FBXL17: variants seen among roughly 807,000 people sequenced by gnomAD.
FBXL17 encodes F-box/LRR-repeat protein 17.
In FBXL17, 22 loss-of-function variants were observed where a neutral mutation model predicts 66.2. The ratio of observed to expected loss-of-function variants is 0.33; its 90% confidence interval spans 0.24 to 0.47. The LOEUF is 0.47. FBXL17 is among the 20% of genes least tolerant of loss of function. The pLI, the probability that FBXL17 is intolerant of heterozygous loss-of-function variation, is 1.00. For synonymous variants in FBXL17, 474 were observed against 400.5 expected, an observed-to-expected ratio of 1.18 and a Z score of -2.19; for missense variants, 878 against 948.2, an observed-to-expected ratio of 0.93 and a Z score of 0.97.
chr5:108,313,760 T>C (rs1455609673), intron 4 of FBXL17, among the ~76,000 whole-genome samples: 1 of 151,960 alleles, frequency 6.6e-6, no homozygotes, highest in Non-Finnish European at 1.5e-5. Flanking sequence ...AGAAGGAAAA[T>C]ATCTGTACGT....
chr5:108,348,421 A>T lies in FBXL17; in HGVS notation c.1484T>A (p.Ile495Lys). 6.2e-7 allele frequency: 1 copy of T among 1,613,548 alleles called. No individual in the cohort carries two copies. Among genetic ancestry groups the T allele is most frequent in the Non-Finnish European group, 8.5e-7 (1 of 1,179,596 alleles). The stretch of plus-strand genomic sequence containing the variant: ...TACTAATTTGTTTTCCTGCATGTAT[A>T]TCCTTTGTAATTTCAGACAGCCCTT... ...IAKGCLKLQRIYMQENKLVTD... is the reference protein window; with the variant it reads ...IAKGCLKLQRKYMQENKLVTD... Residue 495 changes from isoleucine (I) to lysine (K), a missense_variant, in exon 4 of 9, where the codon ATA becomes AAA. Around this residue, in one of 4 missense-constraint regions of FBXL17, gnomAD observed 236 missense variants for 389.1 expected, o/e 0.61. Transcript: ENST00000542267.
chr5:108,294,043 C>CAA (rs71624893), intron 4 of FBXL17, among the ~76,000 whole-genome samples: 2,220 of 50,574 alleles, frequency 0.044, 62 homozygotes, highest in African/African-American at 0.063. Context: ...TCTTGTCTCA[C>CAA]AAAAAAAAAA....
At chr5:107,920,263 G>A (rs544422475) in intron 7 of FBXL17, among the ~76,000 whole-genome samples, 8 of 152,212 alleles carry the variant, frequency 5.3e-5, no homozygotes, top group South Asian at 4.2e-4. Context: ...GGAGTGCAAC[G>A]GCGCGACCTT....
chr5:108,052,135 GA>G (rs796881130), intron 6 of FBXL17, among the ~76,000 whole-genome samples: 12 of 33,810 alleles, frequency 3.5e-4, no homozygotes, highest in Non-Finnish European at 7.0e-4. Flanking sequence ...AAAAAAAAAA[GA>G]AAAAAGAAAA....
intron 3 of FBXL17, among the ~76,000 whole-genome samples, chr5:108,360,891 T>C (rs970439435): frequency 1.3e-5 from 2 of 152,178 alleles, no homozygotes; most frequent in African/African-American, 2.4e-5. Flanking sequence ...ATTTCAGTTA[T>C]TGTACTTCTT....
At chr5:108,339,355 G>A (rs1746726757) in intron 4 of FBXL17, among the ~76,000 whole-genome samples, 1 of 152,104 alleles carries the variant, frequency 6.6e-6, no homozygotes, top group Non-Finnish European at 1.5e-5. Flanking sequence ...CAGGCTTAAT[G>A]TACTACTAGC....
Position 107,859,313 on chromosome 5 carries a change from C to A in FBXL17, c.*2407G>T, listed in dbSNP as rs777800223. On this transcript the variant is annotated 3_prime_UTR_variant, in exon 9 of 9. Coordinates refer to ENST00000542267, the MANE Select transcript of FBXL17 (RefSeq NM_001163315.3). ...TATTGCCCAGAAAAATTATTTTAAG[C>A]CTCATTTCAAAGCATCTAATGAGAA... 6.6e-6 allele frequency: 1 copy of A among 151,064 alleles called. No individual in the cohort carries two copies. The highest frequency in any genetic ancestry group is 2.4e-5 in the African/African-American group (1 of 41,104). 9.4% of individuals were successfully genotyped at this position (151,064 alleles called of 1,614,324 possible). A position where few individuals can be genotyped will look rare whatever the true frequency, so the allele number is the denominator to read the frequency against.
chr5:108,203,249 T>C lies in FBXL17; in HGVS notation c.1615-17002A>G, dbSNP rs567130629. On this transcript the variant is annotated intron_variant, in intron 5 of 8. Transcript: ENST00000542267. ...CCAAGAACTCTTCCTCATGCATCCC[T>C]AGAGGCAGGTAGATGGTATTACTAT... 3.9e-5 allele frequency among the ~76,000 whole-genome samples: 6 copies of C among 152,146 alleles called. No individual in the cohort carries two copies. In the South Asian group the frequency reaches 1.2e-3, roughly 32 times the overall value.
intron 7 of FBXL17, among the ~76,000 whole-genome samples, chr5:107,914,977 C>T (rs184453223): frequency 6.6e-6 from 1 of 152,260 alleles, no homozygotes; most frequent in African/African-American, 2.4e-5. Context: ...CCTGAAAATA[C>T]TCCATTTAGT....
chr5:108,256,773 C>T (rs1276542620), intron 4 of FBXL17, among the ~76,000 whole-genome samples: 1 of 151,824 alleles, frequency 6.6e-6, no homozygotes, highest in Non-Finnish European at 1.5e-5. Flanking sequence ...TCCTATTATT[C>T]CTATTATACT....
At chr5:108,136,134 A>G (rs930663593) in intron 6 of FBXL17, among the ~76,000 whole-genome samples, 1 of 152,136 alleles carries the variant, frequency 6.6e-6, no homozygotes, top group Non-Finnish European at 1.5e-5. Flanking sequence ...TATGCTGTTT[A>G]TATGTAAAAG....
At chr5:107,932,620 G>A (rs530527643) in intron 7 of FBXL17, among the ~76,000 whole-genome samples, 1 of 152,092 alleles carries the variant, frequency 6.6e-6, no homozygotes, top group African/African-American at 2.4e-5. Context: ...GAACTAAACA[G>A]TCTTTCTTCT....
At chr5:108,069,233 A>G (rs1748235762) in intron 6 of FBXL17, among the ~76,000 whole-genome samples, 1 of 152,236 alleles carries the variant, frequency 6.6e-6, no homozygotes, top group African/African-American at 2.4e-5. Flanking sequence ...AAACCATAAT[A>G]TCATTTGTTT....
chr5:108,343,123 T>C (rs1352766146), intron 4 of FBXL17, among the ~76,000 whole-genome samples: 1 of 152,198 alleles, frequency 6.6e-6, no homozygotes, highest in Non-Finnish European at 1.5e-5. Context: ...AACCTGCCAG[T>C]GCCTTAATCT....
chr5:107,950,135 T>C (rs965095783), intron 7 of FBXL17, among the ~76,000 whole-genome samples: 3 of 152,056 alleles, frequency 2.0e-5, no homozygotes, highest in Non-Finnish European at 4.4e-5. Flanking sequence ...AGAGGGTTGT[T>C]GAAGAAGGGG....
intron 7 of FBXL17, among the ~76,000 whole-genome samples, chr5:107,887,052 C>T (rs758190959): frequency 2.0e-5 from 3 of 152,146 alleles, no homozygotes; most frequent in Non-Finnish European, 2.9e-5. Flanking sequence ...TTAAATAAGA[C>T]CTGTAGTTCA....
At chr5:108,218,016 C>CTTTTTTT in intron 5 of FBXL17, among the ~76,000 whole-genome samples, 1 of 120,106 alleles carries the variant, frequency 8.3e-6, no homozygotes, top group East Asian at 2.3e-4. Flanking sequence ...AATTTTTTTT[C>CTTTTTTT]TTTTTTTTTT....
chr5:108,245,400 A>G (rs1032065320), intron 4 of FBXL17, among the ~76,000 whole-genome samples: 17 of 152,330 alleles, frequency 1.1e-4, no homozygotes, highest in African/African-American at 3.4e-4. Flanking sequence ...AAACACCCTG[A>G]TGTATGAATA....
intron 4 of FBXL17, among the ~76,000 whole-genome samples, chr5:108,321,314 C>G (rs755366421): frequency 6.6e-6 from 1 of 151,750 alleles, no homozygotes; most frequent in Non-Finnish European, 1.5e-5. Context: ...AAATTCACAA[C>G]TCTAAAATAT....
Sources: gnomAD v4.1 joint callset for allele counts (sites outside exome capture counted in the v4.1 genomes callset) on GRCh38, gnomAD v4.1.1 for gene constraint, gnomAD v4.1.1 regional missense constraint, MANE v1.5 for transcripts, NCBI Gene and HGNC (gene_info 2026-07-23, HGNC 2026-07-21) for gene names.